TLCD2: variants seen among roughly 807,000 people sequenced by gnomAD.
TLCD2 encodes the protein TLC domain containing 2.
Under a neutral mutation model 14.0 loss-of-function variants are expected in TLCD2, and 12 were observed. The observed-to-expected ratio is 0.86, with a 90% CI of 0.55 to 1.39. The LOEUF is 1.39. Among genes scored for constraint, TLCD2 ranks in the 40% most tolerant of loss-of-function variants. The pLI, the probability that TLCD2 is intolerant of heterozygous loss-of-function variation, is 0.00. For missense variants in TLCD2, 360 were observed against 346.8 expected (o/e 1.04, Z -0.30); for synonymous variants, 166 against 156.5 (o/e 1.06, Z -0.45).
rs943422181 is a variant in TLCD2 at position 1,702,826 on chromosome 17, A to G, written c.*4944T>C. On this transcript the variant is annotated 3_prime_UTR_variant, in exon 4 of 4. Transcript: ENST00000330676. ...ATGCAACTAATGCAATTATTTGCAT[A>G]GCAATTTATTAATTTATAATCAGGA... 1.3e-5 allele frequency: 2 copies of G among 152,264 alleles called. No individual in the cohort carries two copies. The highest frequency in any genetic ancestry group is 2.9e-5 in the Non-Finnish European group (2 of 68,050). The allele number at this position is 152,264 out of a possible 1,614,324, so 9.4% of individuals were successfully genotyped here. A position where few individuals can be genotyped will look rare whatever the true frequency, so the allele number is the denominator to read the frequency against.
In TLCD2 at chr17:1,709,889, G is replaced by A. The variant is rs1217859951; in HGVS notation, c.177-3C>T. On this transcript the variant is annotated splice_polypyrimidine_tract_variant and splice_region_variant and intron_variant, in intron 1 of 3. Transcript: ENST00000330676. ...CCATCTGAGGGTACAGTGACAGGCT[G>A]GGGGCATGGGGTGGGGACATGGGGG... 2.0e-6 allele frequency: 3 copies of A among 1,528,032 alleles called. No homozygotes were observed. Among genetic ancestry groups the A allele is most frequent in the East Asian group, 2.5e-5 (1 of 40,812 alleles). The allele number at this position is 1,528,032 out of a possible 1,614,324, so 94.7% of individuals were successfully genotyped here. A position where few individuals can be genotyped will look rare whatever the true frequency, so the allele number is the denominator to read the frequency against.
At chr17:1,709,375 G>C in intron 3 of TLCD2, 124 bp downstream of exon 3, 1 of 750,396 alleles carries the variant, frequency 1.3e-6, no homozygotes, top group Non-Finnish European at 2.0e-6. Flanking sequence ...GGGTGACAGA[G>C]TGAGACTCCG....
In TLCD2 at chr17:1,709,856, G is replaced by T; in HGVS notation, c.207C>A (p.Asp69Glu). 6.5e-7 allele frequency: 1 copy of T among 1,535,236 alleles called. No homozygotes were observed. Among genetic ancestry groups the T allele is most frequent in the Non-Finnish European group, 8.7e-7 (1 of 1,146,754 alleles). The change falls in exon 2 of 4, where the codon GAC (aspartate) becomes GAA (glutamate). Residue 69 changes from aspartate (D) to glutamate (E), a missense_variant. Coordinates refer to ENST00000330676, the MANE Select transcript of TLCD2 (RefSeq NM_001164407.2). Reference sequence around the variant, plus strand: ...CCCAGCGCGGGTGGCCATGGATGGGGTCGGCGGCCATCTGAGGGTACAGTG... The same window carrying T: ...CCCAGCGCGGGTGGCCATGGATGGGTTCGGCGGCCATCTGAGGGTACAGTG... ...GLSLYPQMAA[D>E]PIHGHPRWAL...
Position 1,707,633 on chromosome 17 carries a change from A to G in TLCD2, c.*137T>C, listed in dbSNP as rs1297918461. On this transcript the variant is annotated 3_prime_UTR_variant, in exon 4 of 4. Coordinates refer to ENST00000330676, the MANE Select transcript of TLCD2 (RefSeq NM_001164407.2). ...TCTTAGATCCGAGGAAGGGGAAGGG[A>G]TGTGAGTTAGCTGGAAGAGAAACTG... The G allele has an allele frequency of 4.0e-5, 27 of 676,070 alleles. No homozygotes were observed. The Admixed American group carries it at 8.7e-4, about 22-fold the overall frequency. 41.9% of individuals were successfully genotyped at this position (676,070 alleles called of 1,614,324 possible).
Position 1,708,104 on chromosome 17 carries a change from G to C in TLCD2, c.461C>G (p.Ser154Cys). 1 of 1,537,106 alleles carries C rather than the reference G, an allele frequency of 6.5e-7. No individual in the cohort carries two copies. The highest frequency in any genetic ancestry group is 8.7e-7 in the Non-Finnish European group (1 of 1,146,894). Residue 154 changes from serine (S) to cysteine (C), a missense_variant, in exon 4 of 4, where the codon TCT (serine) becomes TGT (cysteine). Coordinates refer to ENST00000330676, the MANE Select transcript of TLCD2 (RefSeq NM_001164407.2). ...CLHLRKLLLL[S>C]RQAPSLAFSV... ...GAAGGCCAGGGATGGGGCCTGGCGA[G>C]AAAGCAACAGCAGCTTCCGCAGGTG...
Position 1,710,275 on chromosome 17 carries a change from G to A in TLCD2, c.-33C>T. The A allele has an allele frequency of 6.9e-7, 1 of 1,454,654 alleles. No individual in the cohort carries two copies. The highest frequency in any genetic ancestry group is 1.4e-5 in the South Asian group (1 of 73,376). The allele number at this position is 1,454,654 out of a possible 1,614,324, so 90.1% of individuals were successfully genotyped here. A position where few individuals can be genotyped will look rare whatever the true frequency, so the allele number is the denominator to read the frequency against. On this transcript the variant is annotated 5_prime_UTR_variant, in exon 1 of 4. Transcript: ENST00000330676. This position sits in a 1 kb window ranked among gnomAD's most constrained non-coding sequence, Gnocchi z 6.1. ...CGGTTGGGGGGTTGCGGGGAGTCCGGGTCGGTCCCCTCGGCGCCCGCGCTC... is the reference window on the plus strand; with the variant it reads ...CGGTTGGGGGGTTGCGGGGAGTCCGAGTCGGTCCCCTCGGCGCCCGCGCTC...
rs2151143190 is a variant in TLCD2 at position 1,703,727 on chromosome 17, T to C, written c.*4043A>G. On this transcript the variant is annotated 3_prime_UTR_variant, in exon 4 of 4. Coordinates refer to ENST00000330676, the MANE Select transcript of TLCD2 (RefSeq NM_001164407.2). ...ACACTCACTCAAACCATCATGAATGTATACCAGTGGCCAAAGAAAAGGTGT... is the reference window on the plus strand; with the variant it reads ...ACACTCACTCAAACCATCATGAATGCATACCAGTGGCCAAAGAAAAGGTGT... 1 of 152,290 alleles carries C rather than the reference T, an allele frequency of 6.6e-6. No individual in the cohort carries two copies. Among genetic ancestry groups the C allele is most frequent in the South Asian group, 2.1e-4 (1 of 4,830 alleles). The allele number at this position is 152,290 out of a possible 1,614,324, so 9.4% of individuals were successfully genotyped here. A position where few individuals can be genotyped will look rare whatever the true frequency, so the allele number is the denominator to read the frequency against.
chr17:1,709,722 G>T, intron 2 of TLCD2, 82 bp downstream of exon 2: 2 of 1,215,680 alleles, frequency 1.6e-6, no homozygotes, highest in Non-Finnish European at 2.3e-6. Context: ...CCCCATGGGG[G>T]CGGGGAATGG....
rs1181590436 is a variant in TLCD2 at position 1,709,835 on chromosome 17, G to C, written c.228C>G (p.Arg76=). The C allele has an allele frequency of 6.6e-7, 1 of 1,508,802 alleles. No individual in the cohort carries two copies. The highest frequency in any genetic ancestry group is 8.9e-7 in the Non-Finnish European group (1 of 1,125,300). 93.5% of individuals were successfully genotyped at this position (1,508,802 alleles called of 1,614,324 possible). The change falls in exon 2 of 4, where the codon CGC becomes CGG. Residue 76 remains arginine, a synonymous_variant. Coordinates refer to ENST00000330676, the MANE Select transcript of TLCD2 (RefSeq NM_001164407.2). ...MAADPIHGHP[R]WALVLVAVSV... is the part of the protein sequence containing the mutation. ...ACACAGCCACCAGCACCAGAGCCCA[G>C]CGCGGGTGGCCATGGATGGGGTCGG... is the stretch of plus-strand genomic sequence containing the variant.
rs1015581189 is a variant in TLCD2 at position 1,707,383 on chromosome 17, C to G, written c.*387G>C. On this transcript the variant is annotated 3_prime_UTR_variant, in exon 4 of 4. Coordinates refer to ENST00000330676, the MANE Select transcript of TLCD2 (RefSeq NM_001164407.2). ...TGTCCCCACCCGCCCCATACCAGAT[C>G]TCTCTGATCCTAGTGGGACTTCACC... The G allele has an allele frequency of 3.5e-4, 73 of 207,380 alleles. No homozygotes were observed. The highest frequency in any genetic ancestry group is 6.7e-4 in the Non-Finnish European group (70 of 103,764). The allele number at this position is 207,380 out of a possible 1,614,324, so 12.8% of individuals were successfully genotyped here.
At chr17:1,708,875 C>T (rs1914127564) in intron 3 of TLCD2, among the ~76,000 whole-genome samples, 1 of 152,204 alleles carries the variant, frequency 6.6e-6, no homozygotes. Context: ...CAGCTGGACA[C>T]CTGTGGGGGC....
At position 1,705,384 on chromosome 17, in the gene TLCD2, GGT is replaced by G. The variant is rs2151143873; in HGVS notation, c.*2384_*2385del. On this transcript the variant is annotated 3_prime_UTR_variant, in exon 4 of 4. Transcript: ENST00000330676. Reference sequence around the variant, plus strand: ...ATTTCCTCCATCACTCCTGAGCCTGGGTGTTTCTCCTTGTCACTCACTCTATT... The same window carrying G: ...ATTTCCTCCATCACTCCTGAGCCTGGGTTTCTCCTTGTCACTCACTCTATT... The G allele has an allele frequency of 6.6e-6, 1 of 152,502 alleles. No individual in the cohort carries two copies. The highest frequency in any genetic ancestry group is 2.1e-4 in the South Asian group (1 of 4,822). 9.4% of individuals were successfully genotyped at this position (152,502 alleles called of 1,614,324 possible).
At position 1,709,975 on chromosome 17, in the gene TLCD2, G is replaced by A. The variant is rs559721998; in HGVS notation, c.177-89C>T. On this transcript the variant is annotated intron_variant, in intron 1 of 3. Transcript: ENST00000330676. ...TCTCCCTGTGCGCACCCCCACCCCA[G>A]TCTCAGCTCTGGAGACGCCCGGCGG... The A allele has an allele frequency of 5.4e-5, 81 of 1,513,290 alleles. No homozygotes were observed. In the African/African-American group the frequency reaches 1.1e-3, roughly 20 times the overall value. The allele number at this position is 1,513,290 out of a possible 1,614,324, so 93.7% of individuals were successfully genotyped here.
chr17:1,708,485 T>TGC, intron 3 of TLCD2, among the ~76,000 whole-genome samples: 1 of 126,482 alleles, frequency 7.9e-6, no homozygotes, highest in African/African-American at 3.7e-5. Flanking sequence ...CTTGCTTTTT[T>TGC]TTTTTTTTTT....
At chr17:1,709,440 C>G (rs1196144709) in intron 3 of TLCD2, 59 bp downstream of exon 3, 2 of 1,041,260 alleles carry the variant, frequency 1.9e-6, no homozygotes, top group Admixed American at 2.2e-5. Flanking sequence ...CTGGGAACCT[C>G]GGGCTGGACA....
chr17:1,710,254 T>TG lies in TLCD2; in HGVS notation c.-13dup. On this transcript the variant is annotated 5_prime_UTR_variant, in exon 1 of 4. Transcript: ENST00000330676. This position sits in a 1 kb window ranked among gnomAD's most constrained non-coding sequence, Gnocchi z 6.1. ...CCCGTGGGCGCCATGGCCTGGCGGTTGGGGGGTTGCGGGGAGTCCGGGTCG... is the reference window on the plus strand; with the variant it reads ...CCCGTGGGCGCCATGGCCTGGCGGTTGGGGGGGTTGCGGGGAGTCCGGGTCG... The TG allele has an allele frequency of 6.6e-7, 1 of 1,515,340 alleles. No individual in the cohort carries two copies. Among genetic ancestry groups the TG allele is most frequent in the Non-Finnish European group, 8.8e-7 (1 of 1,138,980 alleles). The allele number at this position is 1,515,340 out of a possible 1,614,324, so 93.9% of individuals were successfully genotyped here.
At chr17:1,709,953 C>T (rs1914169948) in intron 1 of TLCD2, 67 bp from the exon 2 acceptor site, 1 of 1,511,814 alleles carries the variant, frequency 6.6e-7, no homozygotes, top group Non-Finnish European at 8.9e-7. Flanking sequence ...GCCGCAGTCT[C>T]CCTGTGCGCA....
Position 1,710,288 on chromosome 17 carries a change from G to C in TLCD2, c.-46C>G, listed in dbSNP as rs766234819. ...GCGGGGAGTCCGGGTCGGTCCCCTC[G>C]GCGCCCGCGCTCTCGGCCGGGACTG... On this transcript the variant is annotated 5_prime_UTR_variant, in exon 1 of 4. Coordinates refer to ENST00000330676, the MANE Select transcript of TLCD2 (RefSeq NM_001164407.2). The surrounding 1 kb of genome is among the most constrained non-coding windows in gnomAD (Gnocchi z 6.1). 2.1e-6 allele frequency: 3 copies of C among 1,418,614 alleles called. No individual in the cohort carries two copies. Among genetic ancestry groups the C allele is most frequent in the Non-Finnish European group, 1.8e-6 (2 of 1,092,710 alleles). 87.9% of individuals were successfully genotyped at this position (1,418,614 alleles called of 1,614,324 possible).
chr17:1,709,985 T>C, intron 1 of TLCD2, 82 bp downstream of exon 1: 3 of 1,515,198 alleles, frequency 2.0e-6, no homozygotes, highest in South Asian at 1.2e-5. Context: ...GTCTCAGCTC[T>C]GGAGACGCCC....
Sources: gnomAD v4.1 joint callset for allele counts (sites outside exome capture counted in the v4.1 genomes callset) on GRCh38, gnomAD v4.1.1 for gene constraint, Gnocchi (gnomAD v3.1) non-coding constraint, MANE v1.5 for transcripts, NCBI Gene and HGNC (gene_info 2026-07-23, HGNC 2026-07-21) for gene names.